The following LMO1 variants were observed in gnomAD, a reference collection of about 807,000 sequenced individuals.
The protein encoded by LMO1 is rhombotin-1.
LMO1 carries 10 observed loss-of-function variants against 18.0 expected under a neutral mutation model. The ratio of observed to expected loss-of-function variants is 0.55; its 90% CI spans 0.34 to 0.94. LMO1 has a LOEUF of 0.94. Ranked by LOEUF, LMO1 falls within the 40% of genes least tolerant of loss-of-function variation. The pLI, the probability that LMO1 is intolerant of heterozygous loss-of-function variation, is 0.02. For synonymous variants in LMO1, 77 were observed against 77.9 expected, an observed-to-expected ratio of 0.99 and a Z score of 0.06; for missense variants, 183 against 205.7, an observed-to-expected ratio of 0.89 and a Z score of 0.68.
intron 3 of LMO1, among the ~76,000 whole-genome samples, chr11:8,225,607 CGAAG>C (rs1343515009): frequency 1.3e-5 from 2 of 152,050 alleles, no homozygotes; most frequent in African/African-American, 4.8e-5. Context: ...CCTCTCCTAC[CGAAG>C]GAAGGCCCTT....
chr11:8,261,472 G>A (rs1252833763), intron 1 of LMO1, among the ~76,000 whole-genome samples: 1 of 152,218 alleles, frequency 6.6e-6, no homozygotes, highest in African/African-American at 2.4e-5. Flanking sequence ...CCTGGGTGCA[G>A]GTAGGGGGTG....
chr11:8,247,476 A>T (rs750199537), intron 1 of LMO1, among the ~76,000 whole-genome samples: 2 of 152,250 alleles, frequency 1.3e-5, no homozygotes, highest in Non-Finnish European at 2.9e-5. Context: ...AAGATGAAGC[A>T]TCCTGGCCAG....
intron 1 of LMO1, among the ~76,000 whole-genome samples, chr11:8,244,686 G>C (rs1846864793): frequency 6.6e-6 from 1 of 152,236 alleles, no homozygotes; most frequent in African/African-American, 2.4e-5. Flanking sequence ...GCAGTCATGT[G>C]AGCCCCCCTC....
chr11:8,265,814 C>G (rs963020653), upstream of LMO1, among the ~76,000 whole-genome samples: 2 of 152,322 alleles, frequency 1.3e-5, no homozygotes, highest in Admixed American at 6.5e-5. Context: ...CTCTGTGCTA[C>G]TGGAGGCGTT....
chr11:8,224,691 C>A lies in LMO1; in HGVS notation c.396G>T (p.Lys132Asn), dbSNP rs749854082. ...RFCVGDKFFL[K>N]NNMILCQMDY... ...CCATCTGACACAAGATCATGTTGTTCTTCAGGAAGAATTTGTCTCCCACAC... is the reference window on the plus strand; with the variant it reads ...CCATCTGACACAAGATCATGTTGTTATTCAGGAAGAATTTGTCTCCCACAC... Residue 132 changes from lysine (K) to asparagine (N), a missense_variant, in exon 4 of 4, where the codon AAG becomes AAT. By Grantham distance (94) the Lys-to-Asn change is moderately conservative (BLOSUM62 0). Coordinates refer to ENST00000335790, the MANE Select transcript of LMO1 (RefSeq NM_002315.3). The A allele has an allele frequency of 6.2e-7, 1 of 1,608,294 alleles. No homozygotes were observed. The highest frequency in any genetic ancestry group is 1.3e-5 in the African/African-American group (1 of 74,844).
At chr11:8,268,427 C>A, upstream of LMO1, 2 of 1,469,992 alleles carry the variant, frequency 1.4e-6, no homozygotes, top group Non-Finnish European at 1.8e-6. Context: ...GGGCACCTAC[C>A]GTCCTCCTGG....
At chr11:8,226,888 C>A in intron 3 of LMO1, 87 bp downstream of exon 3, 3 of 1,490,076 alleles carry the variant, frequency 2.0e-6, no homozygotes, top group Admixed American at 4.4e-5. Context: ...CATTTGCGTG[C>A]ACGCCTCCGC....
chr11:8,248,461 ACAGACAGACCAC>A (rs1342770411), intron 1 of LMO1, among the ~76,000 whole-genome samples: 1 of 152,222 alleles, frequency 6.6e-6, no homozygotes, highest in Non-Finnish European at 1.5e-5. Context: ...ACCTGAGTCT[ACAGACAGACCAC>A]TATACAGACC....
At chr11:8,261,960 C>T (rs921861753) in intron 1 of LMO1, among the ~76,000 whole-genome samples, 1 of 152,128 alleles carries the variant, frequency 6.6e-6, no homozygotes, top group African/African-American at 2.4e-5. Context: ...ACAGGTCCTC[C>T]TAGATGCCAC....
intron 1 of LMO1, among the ~76,000 whole-genome samples, chr11:8,253,853 A>G (rs539104496): frequency 6.6e-6 from 1 of 152,014 alleles, no homozygotes; most frequent in African/African-American, 2.4e-5. Context: ...CCGCCACACA[A>G]TATTAAAATG....
At chr11:8,261,072 T>A (rs1380032395) in intron 1 of LMO1, among the ~76,000 whole-genome samples, 1 of 152,132 alleles carries the variant, frequency 6.6e-6, no homozygotes, top group Non-Finnish European at 1.5e-5. Context: ...CTCCTCTTAA[T>A]AGGGAGTGGA....
At chr11:8,231,901 G>C (rs892039508) in intron 1 of LMO1, among the ~76,000 whole-genome samples, 1 of 152,134 alleles carries the variant, frequency 6.6e-6, no homozygotes, top group Non-Finnish European at 1.5e-5. Context: ...GCCACAAGAG[G>C]CCTTGGTCTC....
At chr11:8,252,011 T>C (rs1032609848) in intron 1 of LMO1, among the ~76,000 whole-genome samples, 2 of 151,878 alleles carry the variant, frequency 1.3e-5, no homozygotes, top group African/African-American at 2.4e-5. Context: ...TGTGTGAATG[T>C]GTGTGAGTGT....
At position 8,255,229 on chromosome 11, in the gene LMO1, G is replaced by C. The variant is rs145756627; in HGVS notation, c.25+8109C>G. Among the ~76,000 whole-genome samples the C allele has an allele frequency of 2.2e-3, 342 of 152,198 alleles. 3 individuals are homozygous for C. Among genetic ancestry groups the C allele is most frequent in the Non-Finnish European group, 3.6e-3 (243 of 67,992 alleles). ...AGCCTTGTGTAGGCTGGGTGTGGTGGTGCGCAGTGGCACAAGCTTGTAATC... is the reference window on the plus strand; with the variant it reads ...AGCCTTGTGTAGGCTGGGTGTGGTGCTGCGCAGTGGCACAAGCTTGTAATC... On this transcript the variant is annotated intron_variant, in intron 1 of 3. Coordinates refer to ENST00000335790, the MANE Select transcript of LMO1 (RefSeq NM_002315.3).
At chr11:8,263,914 A>AT, upstream of LMO1, 1 of 1,015,206 alleles carries the variant, frequency 9.9e-7, no homozygotes, top group African/African-American at 1.7e-5. Context: ...AAATGCACAC[A>AT]TTTCCTGAGG....
chr11:8,266,141 G>A (rs1253018632), upstream of LMO1, among the ~76,000 whole-genome samples: 1 of 152,200 alleles, frequency 6.6e-6, no homozygotes, highest in South Asian at 2.1e-4. Flanking sequence ...TGCTGTGTGT[G>A]CCCACAGGTG....
intron 1 of LMO1, among the ~76,000 whole-genome samples, chr11:8,260,942 G>A (rs745725477): frequency 6.6e-6 from 1 of 152,200 alleles, no homozygotes; most frequent in African/African-American, 2.4e-5. Flanking sequence ...GAGGGCAGAA[G>A]CGTTCAAGAA....
chr11:8,249,147 T>A (rs1224354362), intron 1 of LMO1, among the ~76,000 whole-genome samples: 2 of 152,050 alleles, frequency 1.3e-5, no homozygotes, highest in African/African-American at 4.8e-5. Flanking sequence ...GAGCTCCCAT[T>A]CCCAAGGCCA....
Position 8,263,407 on chromosome 11 carries a change from A to C in LMO1, c.-45T>G, listed in dbSNP as rs751389950. On this transcript the variant is annotated 5_prime_UTR_variant, in exon 1 of 4. Coordinates refer to ENST00000335790, the MANE Select transcript of LMO1 (RefSeq NM_002315.3). The stretch of plus-strand genomic sequence containing the variant: ...GCCGCAGCTAGGCTCGGCCGGGAGA[A>C]GGGCGCCGACTCGGGGCGCGCTTTG... 10 of 1,594,274 alleles carry C rather than the reference A, an allele frequency of 6.3e-6. No individual in the cohort carries two copies. Among genetic ancestry groups the C allele is most frequent in the Non-Finnish European group, 7.7e-6 (9 of 1,174,824 alleles).
Sources: gnomAD v4.1 joint callset for allele counts (sites outside exome capture counted in the v4.1 genomes callset) on GRCh38, gnomAD v4.1.1 for gene constraint, MANE v1.5 for transcripts, NCBI Gene and HGNC (gene_info 2026-07-23, HGNC 2026-07-21) for gene names.